PIK3R5: variants seen among roughly 807,000 people sequenced by gnomAD.
The protein encoded by PIK3R5 is phosphoinositide-3-kinase regulatory subunit 5, also known as phosphoinositide 3-kinase regulatory subunit 5.
In PIK3R5, 32 loss-of-function variants were observed where a neutral mutation model predicts 94.9. The observed-to-expected ratio is 0.34, with a 90% confidence interval of 0.25 to 0.45. The LOEUF is 0.45. Ranked by LOEUF, PIK3R5 falls within the 20% of genes least tolerant of loss-of-function variation. The pLI is 1.00. For synonymous variants in PIK3R5, 443 were observed against 479.4 expected (o/e 0.92, Z 0.99); for missense variants, 853 against 1,144.6 (o/e 0.75, Z 3.68).
intron 14 of PIK3R5, among the ~76,000 whole-genome samples, chr17:8,885,314 G>A (rs1299930019): frequency 6.7e-6 from 1 of 149,512 alleles, no homozygotes. Context: ...TGCCTCCTGG[G>A]TAACACCGCC....
chr17:8,911,316 G>A lies in PIK3R5; in HGVS notation c.103+76C>T. ...TCACCTAGAATTTGCCAGTTTCCAT[G>A]CCTGGTCCAGTGCCCACCGTGGCCC... On this transcript the variant is annotated intron_variant, in intron 2 of 18. Coordinates refer to ENST00000447110, the MANE Select transcript of PIK3R5 (RefSeq NM_001142633.3). This position sits in a 1 kb window ranked among gnomAD's most constrained non-coding sequence, Gnocchi z 5.3. 8.7e-7 allele frequency: 1 copy of A among 1,153,702 alleles called. No individual in the cohort carries two copies. Among genetic ancestry groups the A allele is most frequent in the Non-Finnish European group, 1.3e-6 (1 of 783,718 alleles). The allele number at this position is 1,153,702 out of a possible 1,614,324, so 71.5% of individuals were successfully genotyped here.
At chr17:8,960,857 C>T (rs2091551482) in intron 1 of PIK3R5, among the ~76,000 whole-genome samples, 1 of 151,620 alleles carries the variant, frequency 6.6e-6, no homozygotes, top group African/African-American at 2.4e-5. Context: ...CCCAGCCCCC[C>T]ACCCCATCCT....
chr17:8,899,867 G>A (rs1361387234), intron 5 of PIK3R5, among the ~76,000 whole-genome samples: 1 of 152,052 alleles, frequency 6.6e-6, no homozygotes, highest in Non-Finnish European at 1.5e-5. Context: ...GTGAAACCCC[G>A]TCTCTACTAA....
At chr17:8,956,698 G>A (rs79847227) in intron 1 of PIK3R5, among the ~76,000 whole-genome samples, 1 of 152,168 alleles carries the variant, frequency 6.6e-6, no homozygotes, top group Non-Finnish European at 1.5e-5. Flanking sequence ...TGGTACAGAA[G>A]TGAATGCACA....
chr17:8,956,680 T>A (rs2091471814), intron 1 of PIK3R5, among the ~76,000 whole-genome samples: 1 of 152,086 alleles, frequency 6.6e-6, no homozygotes, highest in Non-Finnish European at 1.5e-5. Context: ...AAAATGAAAC[T>A]CTCAACATGG....
chr17:8,920,226 T>G (rs1230551198), intron 1 of PIK3R5, among the ~76,000 whole-genome samples: 1 of 152,128 alleles, frequency 6.6e-6, no homozygotes, highest in Non-Finnish European at 1.5e-5. Flanking sequence ...GCCCAACTCT[T>G]GATGTCTTCA....
chr17:8,949,561 G>C (rs952086791), intron 1 of PIK3R5, among the ~76,000 whole-genome samples: 1 of 149,960 alleles, frequency 6.7e-6, no homozygotes, highest in African/African-American at 2.5e-5. Context: ...AAATGTTGTC[G>C]TCATCGTGAG....
chr17:8,909,330 G>A lies in PIK3R5; in HGVS notation c.104-156C>T, dbSNP rs578051934. 1.1e-4 allele frequency among the ~76,000 whole-genome samples: 16 copies of A among 151,330 alleles called. No individual in the cohort carries two copies. Among genetic ancestry groups the A allele is most frequent in the East Asian group, 7.8e-4 (4 of 5,144 alleles). ...TTTTGAGACAGAGTCTTGCTCTGTC[G>A]CCAGGCTGGAGTGCAGTGGTGCGAT... On this transcript the variant is annotated intron_variant, in intron 2 of 18. Coordinates refer to ENST00000447110, the MANE Select transcript of PIK3R5 (RefSeq NM_001142633.3). The surrounding 1 kb of genome is among the most constrained non-coding windows in gnomAD (Gnocchi z 4.3).
At position 8,945,400 on chromosome 17, in the gene PIK3R5, A is replaced by C. The variant is rs1488664544; in HGVS notation, c.-14+20196T>G. Among the ~76,000 whole-genome samples, 1 of 152,166 alleles carries C rather than the reference A, an allele frequency of 6.6e-6. No individual in the cohort carries two copies. The highest frequency in any genetic ancestry group is 1.5e-5 in the Non-Finnish European group (1 of 68,026). On this transcript the variant is annotated intron_variant, in intron 1 of 18. Coordinates refer to ENST00000447110, the MANE Select transcript of PIK3R5 (RefSeq NM_001142633.3). The surrounding 1 kb of genome is among the most constrained non-coding windows in gnomAD (Gnocchi z 4.0). Reference sequence around the variant, plus strand: ...CTTCAGGGAATGAGAAACTGGTCCCAGGGCTGTATTCCCTCCACCTGGCAG... The same window carrying C: ...CTTCAGGGAATGAGAAACTGGTCCCCGGGCTGTATTCCCTCCACCTGGCAG...
rs1321146835 is a variant in PIK3R5, at chr17:8,891,776, T to G, written c.483-864A>C. On this transcript the variant is annotated intron_variant, in intron 6 of 18. Transcript: ENST00000447110. ...CACGCCCAGCTAACTTTTTTTTTTT[T>G]TGTATTTTTAGTAGAGACAGGGTTT... Among the ~76,000 whole-genome samples, 9 of 151,920 alleles carry G rather than the reference T, an allele frequency of 5.9e-5. No homozygotes were observed. In the East Asian group the frequency reaches 9.7e-4, roughly 16 times the overall value.
At chr17:8,898,443 T>C (rs1050523475) in intron 5 of PIK3R5, among the ~76,000 whole-genome samples, 2 of 152,222 alleles carry the variant, frequency 1.3e-5, no homozygotes, top group Non-Finnish European at 2.9e-5. Flanking sequence ...CAGTGCCTCT[T>C]GGTAGAAACA....
At chr17:8,926,393 C>T (rs886612367) in intron 1 of PIK3R5, among the ~76,000 whole-genome samples, 14 of 152,196 alleles carry the variant, frequency 9.2e-5, no homozygotes, top group East Asian at 1.9e-4. Context: ...ATGTCTATAT[C>T]GATGTCAAAA....
intron 5 of PIK3R5, among the ~76,000 whole-genome samples, chr17:8,894,327 C>T (rs566535051): frequency 6.6e-6 from 1 of 152,326 alleles, no homozygotes; most frequent in African/African-American, 2.4e-5. Context: ...CTCTCCCGGT[C>T]CGGGGTGCCT....
At chr17:8,946,095 C>A (rs1021994177) in intron 1 of PIK3R5, among the ~76,000 whole-genome samples, 1 of 152,126 alleles carries the variant, frequency 6.6e-6, no homozygotes, top group Non-Finnish European at 1.5e-5. Flanking sequence ...ATTCCTGGCC[C>A]ACAGAATCCA....
intron 1 of PIK3R5, among the ~76,000 whole-genome samples, chr17:8,933,520 G>C (rs2091021828): frequency 6.6e-6 from 1 of 152,028 alleles, no homozygotes; most frequent in South Asian, 2.1e-4. Context: ...TCATAAAATA[G>C]AGGAAGAGGA....
At chr17:8,954,457 C>T (rs1176349124) in intron 1 of PIK3R5, among the ~76,000 whole-genome samples, 3 of 152,200 alleles carry the variant, frequency 2.0e-5, no homozygotes, top group East Asian at 3.9e-4. Context: ...CAGCCTGGCA[C>T]GGGCGGGACA....
chr17:8,936,926 A>AT (rs552080116), intron 1 of PIK3R5, among the ~76,000 whole-genome samples: 66 of 152,198 alleles, frequency 4.3e-4, no homozygotes, highest in African/African-American at 1.5e-3. Context: ...ATTTCTGTAG[A>AT]TTTTTTTATC....
intron 1 of PIK3R5, among the ~76,000 whole-genome samples, chr17:8,915,440 A>G (rs1368506697): frequency 6.7e-6 from 1 of 150,346 alleles, no homozygotes; most frequent in Non-Finnish European, 1.5e-5. Flanking sequence ...GAAAATCTAG[A>G]CTCTCAGTTG....
rs1473625381 is a variant in PIK3R5 at position 8,911,012 on chromosome 17, TA to T, written c.103+379del. On this transcript the variant is annotated intron_variant, in intron 2 of 18. Coordinates refer to ENST00000447110, the MANE Select transcript of PIK3R5 (RefSeq NM_001142633.3). This position sits in a 1 kb window ranked among gnomAD's most constrained non-coding sequence, Gnocchi z 5.3. ...CCTTATTCTATAGGGAAGAGGAGGA[TA>T]GGACTATGAGGGAACTAGAAACAAA... Among the ~76,000 whole-genome samples, 9 of 152,244 alleles carry T rather than the reference TA, an allele frequency of 5.9e-5. No homozygotes were observed. The East Asian group carries it at 1.7e-3, about 29-fold the overall frequency.
Sources: gnomAD v4.1 joint callset for allele counts (sites outside exome capture counted in the v4.1 genomes callset) on GRCh38, gnomAD v4.1.1 for gene constraint, Gnocchi (gnomAD v3.1) non-coding constraint, MANE v1.5 for transcripts, NCBI Gene and HGNC (gene_info 2026-07-23, HGNC 2026-07-21) for gene names.